CDH20: variants seen among roughly 807,000 people sequenced by gnomAD.
CDH20 encodes cadherin-20.
A neutral mutation model predicts 74.2 loss-of-function variants in CDH20; 29 were observed. The observed-to-expected ratio is 0.39, with a 90% CI of 0.29 to 0.53. The LOEUF (loss-of-function observed/expected upper bound fraction) is 0.53. Among genes scored for constraint, CDH20 ranks in the 20% least tolerant of loss-of-function variants. The pLI is 0.69. For synonymous variants in CDH20, 469 were observed against 405.4 expected, an observed-to-expected ratio of 1.16 and a Z score of -1.88; for missense variants, 988 against 1,048.3, an observed-to-expected ratio of 0.94 and a Z score of 0.79.
chr18:61,530,757 T>C (rs1284541053), intron 7 of CDH20, among the ~76,000 whole-genome samples: 1 of 152,222 alleles, frequency 6.6e-6, no homozygotes, highest in East Asian at 1.9e-4. Flanking sequence ...GGCAGGATAC[T>C]GAGCCATTTG....
intron 8 of CDH20, among the ~76,000 whole-genome samples, chr18:61,537,346 T>C (rs574572079): frequency 2.6e-5 from 4 of 152,118 alleles, no homozygotes; most frequent in Non-Finnish European, 5.9e-5. Flanking sequence ...ATTAAGGAAA[T>C]AATTACAGAT....
At chr18:61,450,565 A>C (rs1236637210) in intron 1 of CDH20, among the ~76,000 whole-genome samples, 2 of 152,058 alleles carry the variant, frequency 1.3e-5, no homozygotes, top group Non-Finnish European at 1.5e-5. Flanking sequence ...TTTACTAAAA[A>C]GAACTTTTTT....
At chr18:61,505,364 G>T (rs557558780) in intron 5 of CDH20, among the ~76,000 whole-genome samples, 1 of 141,778 alleles carries the variant, frequency 7.1e-6, no homozygotes, top group Non-Finnish European at 1.5e-5. Context: ...TTGAGACAGG[G>T]TCTTGCTCTG....
chr18:61,343,664 T>C lies in CDH20; in HGVS notation c.-153+9837T>C, dbSNP rs74638702. Among the ~76,000 whole-genome samples the C allele has an allele frequency of 5.7e-3, 867 of 152,256 alleles. 7 individuals are homozygous for C. The highest frequency in any genetic ancestry group is 0.02 in the African/African-American group (843 of 41,546). ...CAGGAAAGGGCTCAACAACATGCCT[T>C]CCACATGAGAAATGTTTGAAAGTCT... On this transcript the variant is annotated intron_variant, in intron 1 of 11. Coordinates refer to ENST00000262717, the MANE Select transcript of CDH20 (RefSeq NM_031891.4).
chr18:61,446,104 G>A (rs765276712), intron 1 of CDH20, among the ~76,000 whole-genome samples: 1 of 152,148 alleles, frequency 6.6e-6, no homozygotes, highest in Non-Finnish European at 1.5e-5. Flanking sequence ...AGCATCATAT[G>A]CATTGCATTT....
intron 1 of CDH20, among the ~76,000 whole-genome samples, chr18:61,402,841 T>C (rs975940099): frequency 6.6e-6 from 1 of 152,194 alleles, no homozygotes; most frequent in African/African-American, 2.4e-5. Flanking sequence ...AAAGTTATTC[T>C]TAGTAGTTGG....
intron 1 of CDH20, among the ~76,000 whole-genome samples, chr18:61,439,911 A>G (rs917456367): frequency 6.6e-6 from 1 of 152,210 alleles, no homozygotes; most frequent in African/African-American, 2.4e-5. Flanking sequence ...GTTTCAGGAA[A>G]ACAATATACT....
In CDH20 at chr18:61,508,846, A is replaced by G. The variant is rs1292771523; in HGVS notation, c.1017+1286A>G. The stretch of plus-strand genomic sequence containing the variant: ...GAGACAGGGTTTCACTGTGTTACCC[A>G]GGCTGGTTGTGAACTCCTGAGCTCA... On this transcript the variant is annotated intron_variant, in intron 6 of 11. Coordinates refer to ENST00000262717, the MANE Select transcript of CDH20 (RefSeq NM_031891.4). 2.0e-5 allele frequency among the ~76,000 whole-genome samples: 3 copies of G among 152,204 alleles called. No individual in the cohort carries two copies. In the East Asian group the frequency reaches 5.8e-4, roughly 29 times the overall value.
intron 1 of CDH20, among the ~76,000 whole-genome samples, chr18:61,342,262 A>G (rs145761192): frequency 2.0e-5 from 3 of 152,326 alleles, no homozygotes; most frequent in African/African-American, 7.2e-5. Flanking sequence ...ATAAATAAAT[A>G]ACCGCCATTT....
At chr18:61,510,560 A>T (rs1911742222) in intron 6 of CDH20, among the ~76,000 whole-genome samples, 1 of 152,182 alleles carries the variant, frequency 6.6e-6, no homozygotes, top group African/African-American at 2.4e-5. Flanking sequence ...TTCAGAAGGG[A>T]ATAAGGGACC....
intron 6 of CDH20, among the ~76,000 whole-genome samples, chr18:61,524,459 C>T (rs893815766): frequency 7.2e-5 from 11 of 152,114 alleles, no homozygotes; most frequent in Admixed American, 2.6e-4. Flanking sequence ...ATTTACCCCA[C>T]TGAAATGAAA....
intron 1 of CDH20, among the ~76,000 whole-genome samples, chr18:61,393,526 T>C (rs1029907268): frequency 1.3e-5 from 2 of 152,200 alleles, no homozygotes; most frequent in East Asian, 1.9e-4. Flanking sequence ...AGGTGGCTAA[T>C]GGTTTTATTT....
At chr18:61,387,335 C>A (rs751567856) in intron 1 of CDH20, among the ~76,000 whole-genome samples, 1 of 152,252 alleles carries the variant, frequency 6.6e-6, no homozygotes, top group South Asian at 2.1e-4. Flanking sequence ...CAGAGGTAGA[C>A]AATTACCAGG....
At chr18:61,472,245 C>A (rs1409983170) in intron 1 of CDH20, among the ~76,000 whole-genome samples, 5 of 152,100 alleles carry the variant, frequency 3.3e-5, no homozygotes, top group Non-Finnish European at 7.4e-5. Context: ...CTTCCTAAGT[C>A]GCTTTAGGCT....
intron 1 of CDH20, among the ~76,000 whole-genome samples, chr18:61,434,108 C>T (rs1466122448): frequency 6.6e-6 from 1 of 152,006 alleles, no homozygotes; most frequent in Non-Finnish European, 1.5e-5. Flanking sequence ...ACATAAGCAG[C>T]CTGTGTGTTT....
intron 9 of CDH20, among the ~76,000 whole-genome samples, chr18:61,540,709 C>T (rs774702799): frequency 6.6e-6 from 1 of 152,144 alleles, no homozygotes; most frequent in African/African-American, 2.4e-5. Flanking sequence ...AACCATATCA[C>T]TTCACTTCTC....
chr18:61,423,951 A>C (rs1170589258), intron 1 of CDH20, among the ~76,000 whole-genome samples: 1 of 152,208 alleles, frequency 6.6e-6, no homozygotes, highest in Non-Finnish European at 1.5e-5. Context: ...TTCTAATTTT[A>C]TCTTCCCTCA....
chr18:61,466,414 A>C (rs1909963484), intron 1 of CDH20, among the ~76,000 whole-genome samples: 1 of 152,192 alleles, frequency 6.6e-6, no homozygotes, highest in Non-Finnish European at 1.5e-5. Context: ...ATGAGTATTC[A>C]AAAATCCTTT....
At chr18:61,346,150 T>C (rs898990649) in intron 1 of CDH20, among the ~76,000 whole-genome samples, 1 of 152,018 alleles carries the variant, frequency 6.6e-6, no homozygotes, top group Non-Finnish European at 1.5e-5. Flanking sequence ...CAGGAGTAAG[T>C]GAGAAATAGA....
Sources: allele counts gnomAD v4.1 joint callset (sites outside exome capture counted in the v4.1 genomes callset), GRCh38; gene constraint gnomAD v4.1.1; transcripts MANE v1.5; gene names NCBI Gene and HGNC (gene_info 2026-07-23, HGNC 2026-07-21).